Variants in FBXO32 observed in about 807,000 individuals in gnomAD.
FBXO32 encodes the protein F-box protein 32.
A neutral mutation model predicts 48.3 loss-of-function variants in FBXO32; 15 were observed. The ratio of observed to expected loss-of-function variants is 0.31; its 90% CI spans 0.21 to 0.48. The LOEUF (loss-of-function observed/expected upper bound fraction) is 0.48, where lower values mean the gene tolerates loss of function less well. FBXO32 is among the 20% of genes least tolerant of loss of function. The pLI is 0.99. For missense variants in FBXO32, 309 were observed against 432.7 expected (o/e 0.71, Z 2.54); for synonymous variants, 154 against 165.9 (o/e 0.93, Z 0.55).
chr8:123,506,596 T>C lies in FBXO32; in HGVS notation c.652-22A>G. On this transcript the variant is annotated intron_variant, in intron 6 of 8. Coordinates refer to ENST00000517956, the MANE Select transcript of FBXO32 (RefSeq NM_058229.4). The surrounding 1 kb of genome is among the most constrained non-coding windows in gnomAD (Gnocchi z 4.0). ...CAGGCTGCAGAGAGAAGGGTGACAA[T>C]AGGTGGGGGGGCCAGAGAGCAGCGA... is the stretch of plus-strand genomic sequence containing the variant. 6.4e-7 allele frequency: 1 copy of C among 1,562,338 alleles called. No homozygotes were observed. Among genetic ancestry groups the C allele is most frequent in the Non-Finnish European group, 8.7e-7 (1 of 1,149,090 alleles).
intron 1 of FBXO32, among the ~76,000 whole-genome samples, chr8:123,539,220 T>C (rs1241909269): frequency 1.3e-5 from 2 of 152,158 alleles, no homozygotes; most frequent in Non-Finnish European, 1.5e-5. Context: ...CCTGCAATTA[T>C]ATTTGGGTGA....
Position 123,506,549 on chromosome 8 carries a change from G to A in FBXO32, c.677C>T (p.Thr226Ile), listed in dbSNP as rs757609558. Residue 226 changes from threonine (T) to isoleucine (I), a missense_variant, in exon 7 of 9, where the codon ACT (threonine) becomes ATT (isoleucine). Transcript: ENST00000517956. The surrounding 1 kb of genome is among the most constrained non-coding windows in gnomAD (Gnocchi z 4.0). ...CAGTTGTAGGCACAAAGGCAGGTCA[G>A]TGAAGGTGAGGCCTTTGAAGGCAGG... ...TRPAFKGLTF[T>I]DLPLCLQLNI... 1 of 1,603,390 alleles carries A rather than the reference G, an allele frequency of 6.2e-7. No homozygotes were observed. Among genetic ancestry groups the A allele is most frequent in the East Asian group, 2.2e-5 (1 of 44,550 alleles).
At chr8:123,526,970 A>G (rs563869528) in intron 4 of FBXO32, 2 of 152,326 alleles carry the variant, frequency 1.3e-5, no homozygotes, top group East Asian at 3.9e-4. Context: ...AAAAACAGCC[A>G]TAGACAATAT....
intron 4 of FBXO32, among the ~76,000 whole-genome samples, chr8:123,520,343 G>A (rs1460914736): frequency 4.6e-5 from 7 of 152,232 alleles, no homozygotes; most frequent in African/African-American, 1.4e-4. Context: ...AGGAGGAGGA[G>A]GCTTCTCGGC....
At position 123,533,175 on chromosome 8, in the gene FBXO32, T is replaced by C; in HGVS notation, c.279+16A>G. 6.2e-7 allele frequency: 1 copy of C among 1,604,142 alleles called. No homozygotes were observed. The highest frequency in any genetic ancestry group is 1.3e-5 in the African/African-American group (1 of 74,846). On this transcript the variant is annotated intron_variant, in intron 3 of 8. Coordinates refer to ENST00000517956, the MANE Select transcript of FBXO32 (RefSeq NM_058229.4). ...ATAAGGTTCAGTATAACTTAGTAAA[T>C]GAATGGGATGCTCACCTCTTTAGTA... is the stretch of plus-strand genomic sequence containing the variant.
At chr8:123,526,208 C>T (rs2130543029) in intron 4 of FBXO32, among the ~76,000 whole-genome samples, 1 of 151,964 alleles carries the variant, frequency 6.6e-6, no homozygotes, top group East Asian at 1.9e-4. Flanking sequence ...GTGGCAACAC[C>T]CTTCGATGAT....
chr8:123,539,031 G>A (rs1422620404), intron 1 of FBXO32, among the ~76,000 whole-genome samples: 1 of 152,048 alleles, frequency 6.6e-6, no homozygotes, highest in East Asian at 1.9e-4. Context: ...TTAGAGACAG[G>A]GTCTCGCTCT....
At position 123,512,519 on chromosome 8, in the gene FBXO32, G is replaced by A. The variant is rs376064692; in HGVS notation, c.651+679C>T. Among the ~76,000 whole-genome samples, 8 of 148,180 alleles carry A rather than the reference G, an allele frequency of 5.4e-5. No homozygotes were observed. In the South Asian group the frequency reaches 8.5e-4, roughly 16 times the overall value. On this transcript the variant is annotated intron_variant, in intron 6 of 8. Coordinates refer to ENST00000517956, the MANE Select transcript of FBXO32 (RefSeq NM_058229.4). ...GTGAGCCCTAAGAGATTACACCAGC[G>A]TCTTCCTCCCTTTTTTTTTTTTTTT...
intron 1 of FBXO32, among the ~76,000 whole-genome samples, chr8:123,537,686 C>T (rs140275564): frequency 6.9e-4 from 105 of 152,206 alleles, no homozygotes; most frequent in African/African-American, 2.2e-3. Context: ...ACCCGGAATG[C>T]TCTGGTGAAA....
chr8:123,533,881 C>T (rs1817258448), intron 2 of FBXO32, among the ~76,000 whole-genome samples: 1 of 149,652 alleles, frequency 6.7e-6, no homozygotes, highest in Non-Finnish European at 1.5e-5. Context: ...TCGCTTGAGC[C>T]CTGGAGTTTG....
intron 4 of FBXO32, among the ~76,000 whole-genome samples, chr8:123,516,847 G>T (rs772328691): frequency 6.6e-6 from 1 of 152,052 alleles, no homozygotes; most frequent in African/African-American, 2.4e-5. Flanking sequence ...GGAGCTCACC[G>T]AGTGTCTGCT....
intron 2 of FBXO32, 133 bp from the exon 3 acceptor site, chr8:123,533,373 G>A (rs952568878): frequency 7.2e-6 from 5 of 694,018 alleles, no homozygotes; most frequent in Non-Finnish European, 9.7e-6. Context: ...AACTGAAGAA[G>A]TTTCAAGTGC....
At chr8:123,515,255 A>G (rs1816816618) in intron 4 of FBXO32, among the ~76,000 whole-genome samples, 1 of 152,142 alleles carries the variant, frequency 6.6e-6, no homozygotes, top group African/African-American at 2.4e-5. Flanking sequence ...TTGTTTTTTG[A>G]GACGGCATCT....
chr8:123,510,448 C>T (rs1816713151), intron 6 of FBXO32, among the ~76,000 whole-genome samples: 1 of 151,868 alleles, frequency 6.6e-6, no homozygotes. Flanking sequence ...CCTGTCTCTA[C>T]CAAAAAATAC....
rs1002593014 is a variant in FBXO32 at position 123,501,146 on chromosome 8, A to G, written c.*2227T>C. The G allele has an allele frequency of 6.6e-6, 1 of 152,226 alleles. No homozygotes were observed. The highest frequency in any genetic ancestry group is 2.4e-5 in the African/African-American group (1 of 41,470). 9.4% of individuals were successfully genotyped at this position (152,226 alleles called of 1,614,324 possible). The stretch of plus-strand genomic sequence containing the variant: ...GGGGCAGAGATCACCAGTTGGTGGC[A>G]ACATGTGGAAGGCCATGAACCCCTA... On this transcript the variant is annotated 3_prime_UTR_variant, in exon 9 of 9. Transcript: ENST00000517956.
At chr8:123,537,707 A>G (rs536395634) in intron 1 of FBXO32, among the ~76,000 whole-genome samples, 166 of 152,344 alleles carry the variant, frequency 1.1e-3, no homozygotes, top group African/African-American at 3.8e-3. Flanking sequence ...CAAACAGCCT[A>G]GTGTATAACG....
Position 123,526,219 on chromosome 8 carries a change from CT to C in FBXO32, c.372+5678del, listed in dbSNP as rs879328011. On this transcript the variant is annotated intron_variant, in intron 4 of 8. Transcript: ENST00000517956. Reference sequence around the variant, plus strand: ...GCTTGTGGCAACACCCTTCGATGATCTTTTTTTTTTTTTGAGACAGAGTTTC... The same window carrying C: ...GCTTGTGGCAACACCCTTCGATGATCTTTTTTTTTTTTGAGACAGAGTTTC... Among the ~76,000 whole-genome samples the C allele has an allele frequency of 1.6e-3, 233 of 144,276 alleles. 1 individual carries two copies. Among genetic ancestry groups the C allele is most frequent in the Middle Eastern group, 0.011 (3 of 274 alleles). The allele number at this position is 144,276 out of a possible 152,430, so 94.7% of individuals were successfully genotyped here.
At chr8:123,511,105 C>A (rs992996993) in intron 6 of FBXO32, among the ~76,000 whole-genome samples, 2 of 152,192 alleles carry the variant, frequency 1.3e-5, no homozygotes, top group African/African-American at 4.8e-5. Flanking sequence ...TTTTAAAAAG[C>A]TGGATCATTG....
At chr8:123,528,299 A>C (rs1357106739) in intron 4 of FBXO32, among the ~76,000 whole-genome samples, 1 of 151,898 alleles carries the variant, frequency 6.6e-6, no homozygotes, top group African/African-American at 2.4e-5. Context: ...GATGCCCAAG[A>C]CTCACTCGAT....
Sources: gnomAD v4.1 joint callset for allele counts (sites outside exome capture counted in the v4.1 genomes callset) on GRCh38, gnomAD v4.1.1 for gene constraint, Gnocchi (gnomAD v3.1) non-coding constraint, MANE v1.5 for transcripts, NCBI Gene and HGNC (gene_info 2026-07-23, HGNC 2026-07-21) for gene names.